Variants in GPC6 observed in about 807,000 individuals in gnomAD.
The protein encoded by GPC6 is glypican-6.
GPC6 carries 14 observed loss-of-function variants against 55.2 expected under a neutral mutation model. The ratio of observed to expected loss-of-function variants is 0.25; its 90% CI spans 0.17 to 0.40. GPC6 has a LOEUF of 0.40. Among genes scored for constraint, GPC6 ranks in the 10% least tolerant of loss-of-function variants. The probability of loss-of-function intolerance (pLI) is 1.00; values close to 1 mark genes in which losing one functional copy is unlikely to be tolerated. For missense variants in GPC6, 641 were observed against 708.5 expected, an observed-to-expected ratio of 0.90 and a Z score of 1.08; for synonymous variants, 278 against 259.6, an observed-to-expected ratio of 1.07 and a Z score of -0.68.
intron 2 of GPC6, among the ~76,000 whole-genome samples, chr13:93,680,436 A>C (rs1211983847): frequency 6.6e-6 from 1 of 152,182 alleles, no homozygotes; most frequent in African/African-American, 2.4e-5. Flanking sequence ...CAGTGTTAGT[A>C]ATCCAATACA....
intron 5 of GPC6, among the ~76,000 whole-genome samples, chr13:94,288,793 ATATATATATTTGT>A: frequency 5.1e-5 from 1 of 19,432 alleles, no homozygotes; most frequent in African/African-American, 8.4e-4. Flanking sequence ...TATATAATAA[ATATATATATTTGT>A]TATATATAAT....
intron 1 of GPC6, among the ~76,000 whole-genome samples, chr13:93,253,889 A>C (rs1876867355): frequency 6.6e-6 from 1 of 152,206 alleles, no homozygotes; most frequent in Admixed American, 6.5e-5. Context: ...AGTTTGAATA[A>C]AATTTCTAGA....
At chr13:93,731,942 G>A (rs1413636945) in intron 2 of GPC6, among the ~76,000 whole-genome samples, 2 of 152,124 alleles carry the variant, frequency 1.3e-5, no homozygotes, top group Non-Finnish European at 2.9e-5. Context: ...TAAAGGCATG[G>A]ATACAATATT....
intron 3 of GPC6, among the ~76,000 whole-genome samples, chr13:93,856,336 G>C (rs1888610075): frequency 6.6e-6 from 1 of 151,588 alleles, no homozygotes; most frequent in Non-Finnish European, 1.5e-5. Flanking sequence ...GATGTCCAAA[G>C]AATGTTTAAG....
chr13:93,565,370 C>A (rs1462703252), intron 2 of GPC6, among the ~76,000 whole-genome samples: 2 of 152,162 alleles, frequency 1.3e-5, no homozygotes, highest in Admixed American at 6.5e-5. Context: ...TGGTTCATTG[C>A]TTATATGGCA....
chr13:93,863,769 G>A (rs972656210), intron 3 of GPC6, among the ~76,000 whole-genome samples: 3 of 151,596 alleles, frequency 2.0e-5, no homozygotes, highest in African/African-American at 4.8e-5. Flanking sequence ...TGAGACAAAT[G>A]AGTCTAGTCC....
chr13:93,644,060 A>G (rs1390992831), intron 2 of GPC6, among the ~76,000 whole-genome samples: 1 of 152,080 alleles, frequency 6.6e-6, no homozygotes, highest in Non-Finnish European at 1.5e-5. Context: ...GCTTGTAAGT[A>G]TGGAATATAT....
chr13:93,303,679 T>A (rs1019414022), intron 1 of GPC6, among the ~76,000 whole-genome samples: 31 of 152,246 alleles, frequency 2.0e-4, no homozygotes, highest in South Asian at 8.3e-4. Flanking sequence ...ACAATTTTTT[T>A]AAATACTTAG....
intron 2 of GPC6, among the ~76,000 whole-genome samples, chr13:93,813,509 C>T (rs1886760525): frequency 6.6e-6 from 1 of 151,968 alleles, no homozygotes. Flanking sequence ...GCAAAAGAAC[C>T]CTGCTAAACA....
rs35459356 is a variant in GPC6, at chr13:93,693,461, CTGTGTGTGTG to C, written c.320-136661_320-136652del. Among the ~76,000 whole-genome samples, 340 of 139,426 alleles carry C rather than the reference CTGTGTGTGTG, an allele frequency of 2.4e-3. 2 individuals are homozygous for C. Among genetic ancestry groups the C allele is most frequent in the African/African-American group, 8.6e-3 (324 of 37,728 alleles). The allele number at this position is 139,426 out of a possible 152,430, so 91.5% of individuals were successfully genotyped here. On this transcript the variant is annotated intron_variant, in intron 2 of 8. Transcript: ENST00000377047. ...TATATGTGTGTGTGTGTATGTATATCTGTGTGTGTGTGTGTGTGTGTGTGTGTGTGTGTGT... is the reference window on the plus strand; with the variant it reads ...TATATGTGTGTGTGTGTATGTATATCTGTGTGTGTGTGTGTGTGTGTGTGT...
At chr13:93,228,466 C>T (rs149232108) in intron 1 of GPC6, among the ~76,000 whole-genome samples, 1 of 152,328 alleles carries the variant, frequency 6.6e-6, no homozygotes, top group East Asian at 1.9e-4. Flanking sequence ...ACTGGCATTG[C>T]TCCACCAAGA....
At chr13:94,318,138 G>A (rs886463177) in intron 6 of GPC6, among the ~76,000 whole-genome samples, 3 of 152,178 alleles carry the variant, frequency 2.0e-5, no homozygotes, top group African/African-American at 2.4e-5. Flanking sequence ...GTAGAGGGAA[G>A]AAGATAAGAG....
chr13:93,489,782 G>A (rs1879887412), intron 1 of GPC6, among the ~76,000 whole-genome samples: 1 of 151,196 alleles, frequency 6.6e-6, no homozygotes, highest in Non-Finnish European at 1.5e-5. Flanking sequence ...TGTTATTGGT[G>A]TATAAGAATG....
intron 3 of GPC6, among the ~76,000 whole-genome samples, chr13:94,026,330 T>C (rs1200100745): frequency 6.6e-6 from 1 of 152,176 alleles, no homozygotes; most frequent in African/African-American, 2.4e-5. Flanking sequence ...TAATTGAAAG[T>C]ATCCATTTAT....
chr13:93,584,763 A>G (rs1877114377), intron 2 of GPC6, among the ~76,000 whole-genome samples: 1 of 128,984 alleles, frequency 7.8e-6, no homozygotes, highest in Non-Finnish European at 1.5e-5. Context: ...ATCTCAGCTT[A>G]CTGCAACCTC....
chr13:94,394,041 G>T (rs1015325519), intron 7 of GPC6, among the ~76,000 whole-genome samples: 1 of 152,136 alleles, frequency 6.6e-6, no homozygotes, highest in African/African-American at 2.4e-5. Flanking sequence ...CACAGGGCTG[G>T]ATGTATCAGC....
intron 1 of GPC6, among the ~76,000 whole-genome samples, chr13:93,418,433 A>ATTGCT (rs1302615423): frequency 0.02 from 2,975 of 151,450 alleles, 117 homozygotes; most frequent in African/African-American, 0.068. Flanking sequence ...ATACCATAGT[A>ATTGCT]TTACTTTATT....
At chr13:93,473,458 C>G (rs1323762003) in intron 1 of GPC6, among the ~76,000 whole-genome samples, 1 of 152,142 alleles carries the variant, frequency 6.6e-6, no homozygotes, top group Non-Finnish European at 1.5e-5. Context: ...TGGGGAAAGG[C>G]CAGGAAGTGA....
chr13:93,481,852 GT>G (rs1377018458), intron 1 of GPC6, among the ~76,000 whole-genome samples: 1 of 152,146 alleles, frequency 6.6e-6, no homozygotes, highest in Admixed American at 6.5e-5. Context: ...TGAGGAGTGA[GT>G]CCTGCAAATT....
Sources: gnomAD v4.1 joint callset for allele counts (sites outside exome capture counted in the v4.1 genomes callset) on GRCh38, gnomAD v4.1.1 for gene constraint, MANE v1.5 for transcripts, NCBI Gene and HGNC (gene_info 2026-07-23, HGNC 2026-07-21) for gene names.